PLD1: variants seen among roughly 807,000 people sequenced by gnomAD.
The protein encoded by PLD1 is choline phosphatase 1.
A neutral mutation model predicts 137.1 loss-of-function variants in PLD1; 112 were observed. That is an observed-to-expected ratio of 0.82 (90% confidence interval 0.70 to 0.96). The LOEUF (loss-of-function observed/expected upper bound fraction) is 0.96. Among genes scored for constraint, PLD1 ranks in the 40% least tolerant of loss-of-function variants. The pLI, the probability that PLD1 is intolerant of heterozygous loss-of-function variation, is 0.00. For missense variants in PLD1, 1,321 were observed against 1,342.0 expected, an observed-to-expected ratio of 0.98 and a Z score of 0.24; for synonymous variants, 431 against 454.7, an observed-to-expected ratio of 0.95 and a Z score of 0.66.
chr3:171,605,157 A>G, intron 26 of PLD1, 142 bp downstream of exon 26: 1 of 678,176 alleles, frequency 1.5e-6, no homozygotes, highest in South Asian at 1.8e-5. Flanking sequence ...ACAAAGAGGT[A>G]TTTTATTACA....
intron 1 of PLD1, among the ~76,000 whole-genome samples, chr3:171,774,039 C>T (rs903426151): frequency 3.3e-5 from 5 of 152,286 alleles, no homozygotes; most frequent in East Asian, 1.9e-4. Context: ...TGAGCCACCG[C>T]GCCCGGCTAT....
intron 1 of PLD1, among the ~76,000 whole-genome samples, chr3:171,770,888 C>CAAAAAAAAAA (rs34683994): frequency 9.8e-5 from 4 of 40,876 alleles, no homozygotes; most frequent in African/African-American, 3.2e-4. Context: ...AACCCTATCT[C>CAAAAAAAAAA]AAAAAAAAAA....
rs759840625 is a variant in PLD1, at chr3:171,734,890, C to A, written c.515G>T (p.Arg172Ile). The A allele has an allele frequency of 1.2e-6, 2 of 1,610,678 alleles. No individual in the cohort carries two copies. The highest frequency in any genetic ancestry group is 3.3e-5 in the Admixed American group (2 of 59,980). Residue 172 changes from arginine to isoleucine, a missense_variant, in exon 5 of 27, where the codon AGA becomes ATA. Coordinates refer to ENST00000351298, the MANE Select transcript of PLD1 (RefSeq NM_002662.5). ...TCTTCTACCAAGGAATTGTTCTTCT[C>A]TTATCATGTTTTCAGATGAACGGGG... is the stretch of plus-strand genomic sequence containing the variant. ...SLPRSSENMI[R>I]EEQFLGRRKQ...
chr3:171,707,693 T>C (rs1716798303), intron 11 of PLD1, among the ~76,000 whole-genome samples: 1 of 152,160 alleles, frequency 6.6e-6, no homozygotes, highest in African/African-American at 2.4e-5. Flanking sequence ...TCTAGCAATG[T>C]ATGAAGATAT....
Position 171,619,876 on chromosome 3 carries a change from C to G in PLD1, c.2728+510G>C, listed in dbSNP as rs111659537. On this transcript the variant is annotated intron_variant, in intron 24 of 26. Coordinates refer to ENST00000351298, the MANE Select transcript of PLD1 (RefSeq NM_002662.5). Reference sequence around the variant, plus strand: ...AGGTAGAAGAATCATTTGAGACCAGCCTGGGAAACACAGCGAGACCCCCAT... The same window carrying G: ...AGGTAGAAGAATCATTTGAGACCAGGCTGGGAAACACAGCGAGACCCCCAT... 1.6e-3 allele frequency among the ~76,000 whole-genome samples: 239 copies of G among 151,802 alleles called. 1 individual carries two copies. The highest frequency in any genetic ancestry group is 5.6e-3 in the African/African-American group (230 of 41,360).
chr3:171,809,731 G>A (rs555291469), intron 1 of PLD1: 1 of 152,452 alleles, frequency 6.6e-6, no homozygotes, highest in Admixed American at 6.5e-5. Flanking sequence ...TGGAAGGCTT[G>A]GAGGACGGCA....
chr3:171,709,422 T>A, intron 10 of PLD1, 138 bp downstream of exon 10: 1 of 613,968 alleles, frequency 1.6e-6, no homozygotes, highest in East Asian at 2.8e-5. Context: ...GTCCCATAAT[T>A]ATCACAAAAA....
chr3:171,662,015 A>C (rs1388776740), intron 20 of PLD1, 45 bp downstream of exon 20: 2 of 1,050,458 alleles, frequency 1.9e-6, no homozygotes, highest in Non-Finnish European at 1.5e-6. Context: ...CATGATATTT[A>C]AGGGAAGGCA....
Position 171,626,014 on chromosome 3 carries a change from C to T in PLD1, c.2594-5494G>A, listed in dbSNP as rs567537792. ...AAAGCTGGACGGAGAATGACTTTGACGAGTTGAGAGAAGAAGACTTCAGAC... is the reference window on the plus strand; with the variant it reads ...AAAGCTGGACGGAGAATGACTTTGATGAGTTGAGAGAAGAAGACTTCAGAC... On this transcript the variant is annotated intron_variant, in intron 23 of 26. Coordinates refer to ENST00000351298, the MANE Select transcript of PLD1 (RefSeq NM_002662.5). Among the ~76,000 whole-genome samples the T allele has an allele frequency of 2.6e-5, 4 of 152,262 alleles. No homozygotes were observed. The East Asian group carries it at 5.8e-4, about 22-fold the overall frequency.
chr3:171,748,299 ATTC>A (rs1397597968), intron 1 of PLD1, among the ~76,000 whole-genome samples: 2 of 152,214 alleles, frequency 1.3e-5, no homozygotes, highest in African/African-American at 4.8e-5. Context: ...CAAAGGGAAA[ATTC>A]TTCTTTATAA....
rs145850074 is a variant in PLD1 at position 171,617,492 on chromosome 3, C to T, written c.2728+2894G>A. ...GAGGGCAGTGGCGCTGTTTTACTCA[C>T]GTTTCGCATCTCTCTATTGTGCTTT... On this transcript the variant is annotated intron_variant, in intron 24 of 26. Coordinates refer to ENST00000351298, the MANE Select transcript of PLD1 (RefSeq NM_002662.5). Among the ~76,000 whole-genome samples the T allele has an allele frequency of 1.4e-3, 206 of 152,012 alleles. 1 individual carries two copies. Among genetic ancestry groups the T allele is most frequent in the African/African-American group, 4.4e-3 (181 of 41,446 alleles).
intron 21 of PLD1, chr3:171,653,298 C>A (rs1736934289): frequency 6.6e-6 from 1 of 152,208 alleles, no homozygotes; most frequent in Non-Finnish European, 1.5e-5. Context: ...AGAAGGCTTG[C>A]ATATCTTCAA....
At chr3:171,766,204 C>G (rs887588623) in intron 1 of PLD1, among the ~76,000 whole-genome samples, 1 of 151,964 alleles carries the variant, frequency 6.6e-6, no homozygotes, top group Non-Finnish European at 1.5e-5. Flanking sequence ...AGTTTTAGAG[C>G]CAATACCTTA....
rs1422906867 is a variant in PLD1, at chr3:171,745,435, G to A, written c.-31-7353C>T. Among the ~76,000 whole-genome samples the A allele has an allele frequency of 5.3e-5, 8 of 152,256 alleles. 1 individual carries two copies. In the South Asian group the frequency reaches 1.5e-3, roughly 28 times the overall value. ...GCATCCCTGGCCTCTGCTCAGTAAAGATCCCCAGTCACAACTGCTCTCACT... is the reference window on the plus strand; with the variant it reads ...GCATCCCTGGCCTCTGCTCAGTAAAAATCCCCAGTCACAACTGCTCTCACT... On this transcript the variant is annotated intron_variant, in intron 1 of 26. Transcript: ENST00000351298.
intron 12 of PLD1, among the ~76,000 whole-genome samples, chr3:171,696,768 A>G (rs184423130): frequency 6.6e-6 from 1 of 152,350 alleles, no homozygotes; most frequent in Admixed American, 6.5e-5. Flanking sequence ...GAGATTAAGG[A>G]AGAGCAACTC....
Position 171,714,065 on chromosome 3 carries a change from AT to A in PLD1, c.759-21del, listed in dbSNP as rs35874975. 9.9e-3 allele frequency: 15,129 copies of A among 1,526,602 alleles called. 189 individuals carry two copies. Among genetic ancestry groups the A allele is most frequent in the Middle Eastern group, 0.061 (358 of 5,838 alleles). The allele number at this position is 1,526,602 out of a possible 1,614,324, so 94.6% of individuals were successfully genotyped here. A position where few individuals can be genotyped will look rare whatever the true frequency, so the allele number is the denominator to read the frequency against. ...AACCATCTGTAAGAAGGTAGTAAGT[AT>A]TTTTAAAAGTTGCATTGAGTAAATA... On this transcript the variant is annotated intron_variant, in intron 8 of 26. Transcript: ENST00000351298.
intron 24 of PLD1, among the ~76,000 whole-genome samples, chr3:171,614,201 C>G (rs185379327): frequency 6.6e-6 from 1 of 152,178 alleles, no homozygotes; most frequent in Non-Finnish European, 1.5e-5. Flanking sequence ...ATCGAGCACC[C>G]TACAGAAATG....
intron 1 of PLD1, among the ~76,000 whole-genome samples, chr3:171,767,813 C>T (rs893726346): frequency 2.6e-5 from 4 of 152,108 alleles, no homozygotes; most frequent in East Asian, 1.9e-4. Context: ...TTACATGGCT[C>T]ATGCCTGTAA....
intron 8 of PLD1, among the ~76,000 whole-genome samples, chr3:171,720,345 C>T (rs560027883): frequency 6.7e-6 from 1 of 148,556 alleles, no homozygotes; most frequent in African/African-American, 2.5e-5. Context: ...CTTGTAATCC[C>T]AACACTTTGG....
Sources: allele counts gnomAD v4.1 joint callset (sites outside exome capture counted in the v4.1 genomes callset), GRCh38; gene constraint gnomAD v4.1.1; transcripts MANE v1.5; gene names NCBI Gene and HGNC (gene_info 2026-07-23, HGNC 2026-07-21).